The following LAMA2 variants were observed in gnomAD, a reference collection of about 807,000 sequenced individuals.
LAMA2 encodes the protein laminin subunit alpha 2, also known as laminin subunit alpha-2.
A neutral mutation model predicts 364.8 loss-of-function variants in LAMA2; 269 were observed. That is an observed-to-expected ratio of 0.74 (90% CI 0.67 to 0.82). The LOEUF (loss-of-function observed/expected upper bound fraction) is 0.82, where lower values mean the gene tolerates loss of function less well. Ranked by LOEUF, LAMA2 falls within the 40% of genes least tolerant of loss-of-function variation. The probability of loss-of-function intolerance (pLI) is 0.00; values close to 1 mark genes in which losing one functional copy is unlikely to be tolerated. For missense variants in LAMA2, 3,807 were observed against 3,873.2 expected, an observed-to-expected ratio of 0.98 and a Z score of 0.45; for synonymous variants, 1,379 against 1,370.6, an observed-to-expected ratio of 1.01 and a Z score of -0.14.
intron 1 of LAMA2, among the ~76,000 whole-genome samples, chr6:128,917,902 T>G (rs2114477695): frequency 6.6e-6 from 1 of 151,822 alleles, no homozygotes. Flanking sequence ...CCTGGCTAAT[T>G]TTTCTATTTT....
intron 40 of LAMA2, among the ~76,000 whole-genome samples, chr6:129,420,970 T>C (rs567079967): frequency 1.3e-5 from 2 of 152,190 alleles, no homozygotes; most frequent in Admixed American, 1.3e-4. Flanking sequence ...AGGGAAGGCA[T>C]AGTCTTTCCA....
At chr6:129,450,448 T>C (rs1045089364) in intron 45 of LAMA2, among the ~76,000 whole-genome samples, 2 of 151,948 alleles carry the variant, frequency 1.3e-5, no homozygotes, top group African/African-American at 4.8e-5. Flanking sequence ...GCCTCCTGAG[T>C]AGCTGGGACT....
chr6:128,896,422 T>A (rs1256886159), intron 1 of LAMA2, among the ~76,000 whole-genome samples: 1 of 151,986 alleles, frequency 6.6e-6, no homozygotes, highest in African/African-American at 2.4e-5. Context: ...TTTTTTTTTT[T>A]CTGCCATACA....
At chr6:128,903,348 T>C (rs1217616488) in intron 1 of LAMA2, among the ~76,000 whole-genome samples, 1 of 152,188 alleles carries the variant, frequency 6.6e-6, no homozygotes, top group Non-Finnish European at 1.5e-5. Context: ...TTACAGATCT[T>C]AGTGTCTTTG....
intron 1 of LAMA2, among the ~76,000 whole-genome samples, chr6:128,967,664 C>T (rs950745519): frequency 4.6e-5 from 7 of 152,072 alleles, no homozygotes; most frequent in Non-Finnish European, 1.0e-4. Flanking sequence ...TGCATGGGTT[C>T]CTAGGAGGAA....
At chr6:129,506,202 A>C (rs1786060898) in intron 61 of LAMA2, among the ~76,000 whole-genome samples, 1 of 151,920 alleles carries the variant, frequency 6.6e-6, no homozygotes, top group African/African-American at 2.4e-5. Context: ...AAATACAAAA[A>C]GTTAGCCAGG....
intron 48 of LAMA2, among the ~76,000 whole-genome samples, 200 bp downstream of exon 48, chr6:129,456,694 A>G (rs1397239413): frequency 1.3e-5 from 2 of 152,140 alleles, no homozygotes; most frequent in Admixed American, 6.6e-5. Context: ...TTTTAAGCCT[A>G]TGTGTATTTA....
intron 12 of LAMA2, among the ~76,000 whole-genome samples, chr6:129,242,902 C>G (rs1459060319): frequency 2.6e-5 from 4 of 152,114 alleles, no homozygotes; most frequent in African/African-American, 9.7e-5. Context: ...ATTAAATACT[C>G]ATTTCCTATA....
In LAMA2 at chr6:129,516,415, TTTTACCTATATATGTTAA is replaced by T; in HGVS notation, c.*71_*88del. ...ATATCAAGTAAAACAAACAAATATATTTTACCTATATATGTTAATTAAACTAATTTGTGCATGTACATA... is the reference window on the plus strand; with the variant it reads ...ATATCAAGTAAAACAAACAAATATATTTAAACTAATTTGTGCATGTACATA... On this transcript the variant is annotated 3_prime_UTR_variant, in exon 65 of 65. Coordinates refer to ENST00000421865, the MANE Select transcript of LAMA2 (RefSeq NM_000426.4). The T allele has an allele frequency of 2.8e-6, 4 of 1,451,050 alleles. No homozygotes were observed. Among genetic ancestry groups the T allele is most frequent in the Non-Finnish European group, 9.5e-7 (1 of 1,049,000 alleles). 89.9% of individuals were successfully genotyped at this position (1,451,050 alleles called of 1,614,324 possible). A position where few individuals can be genotyped will look rare whatever the true frequency, so the allele number is the denominator to read the frequency against.
chr6:129,038,496 C>T (rs1786829178), intron 1 of LAMA2, among the ~76,000 whole-genome samples: 2 of 152,054 alleles, frequency 1.3e-5, no homozygotes, highest in African/African-American at 4.8e-5. Flanking sequence ...AATTTGAAAA[C>T]CAGGGTGAGA....
chr6:129,433,193 C>T (rs568182423), intron 41 of LAMA2, among the ~76,000 whole-genome samples: 2 of 152,240 alleles, frequency 1.3e-5, no homozygotes, highest in East Asian at 1.9e-4. Flanking sequence ...GATACCGTTC[C>T]GAATCATTGT....
intron 45 of LAMA2, among the ~76,000 whole-genome samples, chr6:129,450,429 C>T (rs1782618957): frequency 6.6e-6 from 1 of 152,034 alleles, no homozygotes; most frequent in Non-Finnish European, 1.5e-5. Context: ...AAGCAATTCT[C>T]CTGACTCAGC....
chr6:129,282,322 A>G (rs1254961555), intron 18 of LAMA2, among the ~76,000 whole-genome samples: 1 of 152,188 alleles, frequency 6.6e-6, no homozygotes, highest in Non-Finnish European at 1.5e-5. Context: ...AATATATCTC[A>G]GACTACAGCT....
chr6:129,129,939 AAAAAT>A (rs1169784971), intron 4 of LAMA2, among the ~76,000 whole-genome samples: 3 of 148,860 alleles, frequency 2.0e-5, no homozygotes, highest in Non-Finnish European at 4.4e-5. Flanking sequence ...AAAAAAAAAA[AAAAAT>A]AACATATTTT....
intron 23 of LAMA2, 143 bp from the exon 24 acceptor site, chr6:129,314,512 T>C: frequency 1.4e-6 from 1 of 720,016 alleles, no homozygotes; most frequent in African/African-American, 1.7e-5. Context: ...CATGTGCCAT[T>C]TGAGATGTGA....
At chr6:129,309,922 C>T (rs1562443450) in intron 22 of LAMA2, among the ~76,000 whole-genome samples, 12 of 132,728 alleles carry the variant, frequency 9.0e-5, no homozygotes, top group Non-Finnish European at 1.5e-5. Flanking sequence ...TTTTTTGAGA[C>T]GGAGTCTCGC....
At chr6:129,314,970 T>A (rs1396248401) in intron 24 of LAMA2, among the ~76,000 whole-genome samples, 172 bp downstream of exon 24, 1 of 152,178 alleles carries the variant, frequency 6.6e-6, no homozygotes, top group African/African-American at 2.4e-5. Flanking sequence ...TTGGAGTAAA[T>A]GCCTTTCTTA....
intron 22 of LAMA2, among the ~76,000 whole-genome samples, chr6:129,305,613 ATG>A (rs1025244814): frequency 6.6e-6 from 1 of 151,890 alleles, no homozygotes; most frequent in African/African-American, 2.4e-5. Flanking sequence ...GCCTAGCTTA[ATG>A]TGTGTGTGTG....
intron 32 of LAMA2, among the ~76,000 whole-genome samples, chr6:129,365,979 C>T (rs1383510029): frequency 6.6e-6 from 1 of 152,150 alleles, no homozygotes; most frequent in African/African-American, 2.4e-5. Flanking sequence ...TCTTTGGTCC[C>T]TCAGTTTATA....
Sources: allele counts gnomAD v4.1 joint callset (sites outside exome capture counted in the v4.1 genomes callset), GRCh38; gene constraint gnomAD v4.1.1; transcripts MANE v1.5; gene names NCBI Gene and HGNC (gene_info 2026-07-23, HGNC 2026-07-21).